The following CDH12 variants were observed in gnomAD, a reference collection of about 807,000 sequenced individuals.
CDH12 encodes cadherin 12.
CDH12 carries 41 observed loss-of-function variants against 74.1 expected under a neutral mutation model. That is an observed-to-expected ratio of 0.55 (90% confidence interval 0.43 to 0.72). The LOEUF (loss-of-function observed/expected upper bound fraction) is 0.72, where lower values mean the gene tolerates loss of function less well. Among genes scored for constraint, CDH12 ranks in the 30% least tolerant of loss-of-function variants. The probability of loss-of-function intolerance (pLI) is 0.00; values close to 1 mark genes in which losing one functional copy is unlikely to be tolerated. For synonymous variants in CDH12, 399 were observed against 355.0 expected (o/e 1.12, Z -1.39); for missense variants, 945 against 977.2 (o/e 0.97, Z 0.44).
At chr5:22,777,038 A>G (rs1747138509) in intron 1 of CDH12, among the ~76,000 whole-genome samples, 1 of 152,114 alleles carries the variant, frequency 6.6e-6, no homozygotes, top group Non-Finnish European at 1.5e-5. Flanking sequence ...CACATTTCCA[A>G]GGATTCTAGT....
chr5:22,218,228 C>G (rs974480199), intron 3 of CDH12, among the ~76,000 whole-genome samples: 1 of 151,538 alleles, frequency 6.6e-6, no homozygotes, highest in Admixed American at 6.6e-5. Flanking sequence ...TGTGATGCAG[C>G]CATCTCGCTC....
chr5:22,838,522 A>C (rs943409825), intron 1 of CDH12, among the ~76,000 whole-genome samples: 20 of 152,162 alleles, frequency 1.3e-4, no homozygotes, highest in African/African-American at 4.8e-4. Context: ...TAGCATAACT[A>C]ATAAAACTGA....
At chr5:22,706,790 T>C (rs1743030283) in intron 1 of CDH12, among the ~76,000 whole-genome samples, 1 of 152,176 alleles carries the variant, frequency 6.6e-6, no homozygotes. Context: ...TTAAATGCTG[T>C]TCATAGATAT....
Position 22,040,632 on chromosome 5 carries a change from C to G in CDH12, c.231+37814G>C, listed in dbSNP as rs1247415465. On this transcript the variant is annotated intron_variant, in intron 5 of 14. Transcript: ENST00000382254. ...ATTAACTGAACAGAAATCCTAAAGG[C>G]CAAGAGAGAATGGGATGATATATTT... 3.3e-5 allele frequency among the ~76,000 whole-genome samples: 5 copies of G among 151,996 alleles called. No homozygotes were observed. The East Asian group carries it at 9.7e-4, about 29-fold the overall frequency.
chr5:21,763,741 G>T (rs1744852072), intron 12 of CDH12, among the ~76,000 whole-genome samples: 1 of 151,838 alleles, frequency 6.6e-6, no homozygotes. Flanking sequence ...ACTTTAGGAG[G>T]AAAAAAATAA....
chr5:22,843,509 T>G (rs1205077281), intron 1 of CDH12, among the ~76,000 whole-genome samples: 1 of 152,014 alleles, frequency 6.6e-6, no homozygotes, highest in Non-Finnish European at 1.5e-5. Context: ...GTGAAAGTAT[T>G]TCATTTTTAG....
intron 1 of CDH12, among the ~76,000 whole-genome samples, chr5:22,552,461 C>T (rs570597261): frequency 1.6e-3 from 247 of 150,744 alleles, no homozygotes; most frequent in African/African-American, 5.7e-3. Flanking sequence ...CAGATTTTCA[C>T]TCTGTTGCCC....
chr5:22,810,915 G>A (rs573029999), intron 1 of CDH12, among the ~76,000 whole-genome samples: 3 of 148,476 alleles, frequency 2.0e-5, no homozygotes, highest in Non-Finnish European at 2.9e-5. Flanking sequence ...ATGTGTGTGT[G>A]TGTGTGTGTG....
chr5:22,059,547 T>G (rs1011579170), intron 5 of CDH12, among the ~76,000 whole-genome samples: 1 of 152,136 alleles, frequency 6.6e-6, no homozygotes, highest in Admixed American at 6.6e-5. Flanking sequence ...TGCCTGAACT[T>G]ATAAGTCTAC....
chr5:22,471,099 A>ATTT (rs1554043370), intron 2 of CDH12, among the ~76,000 whole-genome samples: 7 of 151,446 alleles, frequency 4.6e-5, no homozygotes, highest in Non-Finnish European at 7.4e-5. Context: ...TTCTAGGATA[A>ATTT]TCTCTTTCTC....
chr5:22,550,191 T>C (rs754875099), intron 1 of CDH12, among the ~76,000 whole-genome samples: 4 of 152,214 alleles, frequency 2.6e-5, no homozygotes, highest in Non-Finnish European at 5.9e-5. Flanking sequence ...AATACTGTAG[T>C]GAAATATTCT....
chr5:22,756,200 GTCTA>G (rs1442276628), intron 1 of CDH12, among the ~76,000 whole-genome samples: 7 of 151,674 alleles, frequency 4.6e-5, no homozygotes, highest in Non-Finnish European at 1.0e-4. Flanking sequence ...ATATTAGGTG[GTCTA>G]TCTATGTTTG....
chr5:22,740,492 A>G (rs1348377528), intron 1 of CDH12, among the ~76,000 whole-genome samples: 1 of 152,040 alleles, frequency 6.6e-6, no homozygotes, highest in Non-Finnish European at 1.5e-5. Flanking sequence ...GATTCCCACT[A>G]TATCTACGGT....
chr5:22,739,731 T>C (rs2127015954), intron 1 of CDH12, among the ~76,000 whole-genome samples: 1 of 152,196 alleles, frequency 6.6e-6, no homozygotes, highest in East Asian at 1.9e-4. Context: ...TCCCAGCCCC[T>C]GGCAACCCAC....
chr5:22,468,754 T>A (rs1745838719), intron 2 of CDH12, among the ~76,000 whole-genome samples: 1 of 152,140 alleles, frequency 6.6e-6, no homozygotes, highest in African/African-American at 2.4e-5. Flanking sequence ...TAGATACAGC[T>A]ATTGTCATAT....
intron 4 of CDH12, chr5:22,144,043 T>C (rs1287749836): frequency 6.6e-6 from 1 of 152,174 alleles, no homozygotes; most frequent in Admixed American, 6.5e-5. Context: ...ATTCATTCTG[T>C]TATACTCTAA....
intron 1 of CDH12, among the ~76,000 whole-genome samples, chr5:22,712,415 T>C (rs898637194): frequency 6.6e-6 from 1 of 152,010 alleles, no homozygotes; most frequent in Non-Finnish European, 1.5e-5. Flanking sequence ...TACAAGTTCC[T>C]CAGCATCAAA....
rs1738939845 is a variant in CDH12 at position 22,322,790 on chromosome 5, T to A, written c.-333+82467A>T. 2.0e-5 allele frequency among the ~76,000 whole-genome samples: 3 copies of A among 152,200 alleles called. No individual in the cohort carries two copies. The South Asian group carries it at 6.2e-4, about 32-fold the overall frequency. ...ATTCACTGGGCAGGTGAGTGAGCTA[T>A]CTTTTTTGATCTCGCCCACTGAATT... On this transcript the variant is annotated intron_variant, in intron 3 of 14. Transcript: ENST00000382254.
intron 6 of CDH12, among the ~76,000 whole-genome samples, chr5:21,906,767 G>C (rs1753660245): frequency 6.6e-6 from 1 of 152,132 alleles, no homozygotes; most frequent in Non-Finnish European, 1.5e-5. Context: ...TCAGTTTTCT[G>C]ATACCCTGCC....
Sources: gnomAD v4.1 joint callset for allele counts (sites outside exome capture counted in the v4.1 genomes callset) on GRCh38, gnomAD v4.1.1 for gene constraint, MANE v1.5 for transcripts, NCBI Gene and HGNC (gene_info 2026-07-23, HGNC 2026-07-21) for gene names.